Variants in MACF1 observed in about 807,000 individuals in gnomAD.
MACF1 encodes microtubule-actin cross-linking factor 1.
Under a neutral mutation model 854.8 loss-of-function variants are expected in MACF1, and 193 were observed. The ratio of observed to expected loss-of-function variants is 0.23; its 90% confidence interval spans 0.20 to 0.25. The LOEUF (loss-of-function observed/expected upper bound fraction) is 0.25. Among genes scored for constraint, MACF1 ranks in the 10% least tolerant of loss-of-function variants. The pLI, the probability that MACF1 is intolerant of heterozygous loss-of-function variation, is 1.00. For missense variants in MACF1, 7,722 were observed against 8,929.1 expected (o/e 0.86, Z 5.45); for synonymous variants, 3,185 against 3,226.7 (o/e 0.99, Z 0.44).
At chr1:39,243,876 C>T (rs922958802) in intron 2 of MACF1, among the ~76,000 whole-genome samples, 2 of 152,070 alleles carry the variant, frequency 1.3e-5, no homozygotes, top group Non-Finnish European at 2.9e-5. Context: ...TTGAGCCCTC[C>T]AAATCCGATC....
At chr1:39,427,752 A>C in intron 62 of MACF1, 138 bp downstream of exon 62, 1 of 1,009,054 alleles carries the variant, frequency 9.9e-7, no homozygotes, top group Admixed American at 2.8e-5. Context: ...TAATTGGAAA[A>C]GTCACATTCT....
intron 97 of MACF1, among the ~76,000 whole-genome samples, chr1:39,478,788 G>T (rs1233509078): frequency 6.6e-6 from 1 of 152,156 alleles, no homozygotes; most frequent in African/African-American, 2.4e-5. Context: ...TTATAGAAAA[G>T]AATGACAAAT....
At chr1:39,413,864 C>T (rs772062580) in intron 58 of MACF1, 1 of 1,610,464 alleles carries the variant, frequency 6.2e-7, no homozygotes, top group Non-Finnish European at 8.5e-7. Flanking sequence ...TCCCCGGCAG[C>T]TTCAGTGCCC....
Position 39,318,258 on chromosome 1 carries a change from A to G in MACF1, c.3783-195A>G, listed in dbSNP as rs574847108. ...GGCTAGCAGGTCACAACTGGTTTCTACTCACTTTTTTGACCATAGGGCACT... is the reference window on the plus strand; with the variant it reads ...GGCTAGCAGGTCACAACTGGTTTCTGCTCACTTTTTTGACCATAGGGCACT... On this transcript the variant is annotated intron_variant, in intron 29 of 100. Transcript: ENST00000564288. 2.0e-4 allele frequency among the ~76,000 whole-genome samples: 30 copies of G among 152,054 alleles called. 1 individual carries two copies. The South Asian group carries it at 5.8e-3, about 29-fold the overall frequency.
intron 23 of MACF1, among the ~76,000 whole-genome samples, chr1:39,307,309 T>G (rs1300759155): frequency 6.6e-6 from 1 of 151,850 alleles, no homozygotes; most frequent in Non-Finnish European, 1.5e-5. Context: ...ATAGTAAAAC[T>G]CATCTTTTGT....
chr1:39,358,048 A>G (rs1647743708), intron 45 of MACF1, among the ~76,000 whole-genome samples, 155 bp downstream of exon 45: 3 of 152,236 alleles, frequency 2.0e-5, no homozygotes. Context: ...CAAACAATGC[A>G]CAAAATGTAA....
rs764769884 is a variant in MACF1, at chr1:39,332,205, A to G, written c.5617A>G (p.Thr1873Ala). Residue 1873 changes from threonine (T) to alanine (A), a missense_variant, in exon 37 of 101, where the codon ACT (threonine) becomes GCT (alanine). Thr to Ala is a moderately conservative substitution (Grantham distance 58). Around this residue, in one of 15 missense-constraint regions of MACF1, gnomAD observed 1,531 missense variants for 1,601.6 expected, o/e 0.96. Transcript: ENST00000564288. ...TGCCCTAGAACAAGGTATTGTGTCT[A>G]CTGAACTAGCACATAAAATCCTTAG... The part of the protein sequence containing the change: ...TDALEQGIVS[T>A]ELAHKILSNR... 1.9e-6 allele frequency: 3 copies of G among 1,614,102 alleles called. No homozygotes were observed. The highest frequency in any genetic ancestry group is 2.5e-6 in the Non-Finnish European group (3 of 1,180,026).
chr1:39,440,837 ATATG>A (rs1644100588), intron 72 of MACF1, among the ~76,000 whole-genome samples, 162 bp from the exon 73 acceptor site: 1 of 152,188 alleles, frequency 6.6e-6, no homozygotes, highest in Admixed American at 6.5e-5. Context: ...TATTTTGTAT[ATATG>A]AAAAATAACC....
At chr1:39,174,763 G>A (rs1342691865) in intron 2 of MACF1, among the ~76,000 whole-genome samples, 4 of 152,100 alleles carry the variant, frequency 2.6e-5, no homozygotes, top group Non-Finnish European at 5.9e-5. Flanking sequence ...ATAGAGAAAG[G>A]GCCCCTGATC....
At chr1:39,203,636 T>C (rs1644417378), upstream of MACF1, among the ~76,000 whole-genome samples, 1 of 152,220 alleles carries the variant, frequency 6.6e-6, no homozygotes, top group African/African-American at 2.4e-5. Context: ...TCTCAGCCTC[T>C]TCCATTTCTA....
chr1:39,305,967 C>G (rs1433317818), intron 23 of MACF1, among the ~76,000 whole-genome samples: 2 of 152,124 alleles, frequency 1.3e-5, no homozygotes, highest in Non-Finnish European at 2.9e-5. Context: ...TTAATACTGC[C>G]TAACAGATTG....
intron 2 of MACF1, among the ~76,000 whole-genome samples, chr1:39,184,596 G>A (rs576783118): frequency 1.5e-4 from 23 of 152,112 alleles, no homozygotes; most frequent in South Asian, 2.1e-4. Flanking sequence ...AAGGTGAGGC[G>A]GAGTGTGGTG....
At chr1:39,122,539 C>G (rs1642744743) in intron 2 of MACF1, among the ~76,000 whole-genome samples, 1 of 152,142 alleles carries the variant, frequency 6.6e-6, no homozygotes, top group South Asian at 2.1e-4. Context: ...AGGCGTGAGC[C>G]ACTGTGCTCG....
rs199628828 is a variant in MACF1, at chr1:39,453,730, A to G, written c.20766A>G (p.Glu6922=). 1.0e-4 allele frequency: 162 copies of G among 1,614,202 alleles called. 1 individual carries two copies. The highest frequency in any genetic ancestry group is 9.6e-4 in the East Asian group (43 of 44,894). The change falls in exon 88 of 101, where the codon GAA becomes GAG. Residue 6922 remains glutamate (E), a synonymous_variant. Transcript: ENST00000564288. ...THKEFMKKVE[E]KRVDVNSAVA... is the part of the protein sequence containing the mutation. ...AGGAATTCATGAAGAAAGTAGAAGA[A>G]AAGCGAGTGGACGTTAACTCAGCAG...
rs548542112 is a variant in MACF1 at position 39,332,533 on chromosome 1, T to C, written c.5945T>C (p.Leu1982Pro). 1 of 1,614,124 alleles carries C rather than the reference T, an allele frequency of 6.2e-7. No individual in the cohort carries two copies. Among genetic ancestry groups the C allele is most frequent in the African/African-American group, 1.3e-5 (1 of 75,052 alleles). The change falls in exon 37 of 101, where the codon CTT becomes CCT. Residue 1982 changes from leucine (L) to proline (P), a missense_variant. Physicochemically the swap from Leu to Pro is moderately conservative, Grantham distance 98 (BLOSUM62 -3). Around this residue, in one of 15 missense-constraint regions of MACF1, gnomAD observed 1,531 missense variants for 1,601.6 expected, o/e 0.96. Coordinates refer to ENST00000564288, the MANE Select transcript of MACF1 (RefSeq NM_001394062.1). Reference protein sequence around the residue: ...YINVQNGQRLLLLDKELMETL... With the variant: ...YINVQNGQRLPLLDKELMETL... Reference sequence around the variant, plus strand: ...AATGTGCAAAATGGACAGAGGCTGCTTCTGTTAGATAAAGAGCTGATGGAG... The same window carrying C: ...AATGTGCAAAATGGACAGAGGCTGCCTCTGTTAGATAAAGAGCTGATGGAG...
intron 99 of MACF1, among the ~76,000 whole-genome samples, chr1:39,481,423 G>C (rs942011496): frequency 8.5e-5 from 13 of 152,326 alleles, no homozygotes; most frequent in South Asian, 8.3e-4. Context: ...ACAATGTTCT[G>C]TCTTTGCTTA....
intron 99 of MACF1, among the ~76,000 whole-genome samples, chr1:39,484,076 C>T (rs1645063090): frequency 1.3e-5 from 2 of 152,176 alleles, no homozygotes; most frequent in Non-Finnish European, 2.9e-5. Context: ...TGGTGTGAAC[C>T]CAGGAGGCAG....
At chr1:39,454,888 G>C (rs1276061846) in intron 88 of MACF1, 21 bp from the exon 89 acceptor site, 2 of 1,599,960 alleles carry the variant, frequency 1.3e-6, no homozygotes, top group Non-Finnish European at 1.7e-6. Context: ...AAGAGGCCAT[G>C]GTTTCCTTCT....
chr1:39,396,192 C>T (rs530923039), intron 58 of MACF1, among the ~76,000 whole-genome samples: 7 of 151,938 alleles, frequency 4.6e-5, no homozygotes, highest in Non-Finnish European at 1.0e-4. Context: ...TGGTGGCATG[C>T]GCCTGTAGTC....
Sources: gnomAD v4.1 joint callset for allele counts (sites outside exome capture counted in the v4.1 genomes callset) on GRCh38, gnomAD v4.1.1 for gene constraint, gnomAD v4.1.1 regional missense constraint, MANE v1.5 for transcripts, NCBI Gene and HGNC (gene_info 2026-07-23, HGNC 2026-07-21) for gene names.